RPS6KC1: variants seen among roughly 807,000 people sequenced by gnomAD.
RPS6KC1 encodes the protein ribosomal protein S6 kinase C1, also known as inactive ribosomal protein S6 kinase delta-1.
In RPS6KC1, 54 loss-of-function variants were observed where a neutral mutation model predicts 103.8. That is an observed-to-expected ratio of 0.52 (90% CI 0.42 to 0.65). RPS6KC1 has a LOEUF of 0.65. Among genes scored for constraint, RPS6KC1 ranks in the 30% least tolerant of loss-of-function variants. The pLI is 0.00. For synonymous variants in RPS6KC1, 439 were observed against 438.7 expected (o/e 1.00, Z -0.01); for missense variants, 1,151 against 1,253.8 (o/e 0.92, Z 1.24).
the RPS6KC1 span, among the ~76,000 whole-genome samples, chr1:213,528,594 CA>C: frequency 6.6e-6 from 1 of 152,076 alleles, no homozygotes; most frequent in Non-Finnish European, 1.5e-5. Flanking sequence ...CCCCAAATTG[CA>C]AAAATGGGTC....
intron 10 of RPS6KC1, among the ~76,000 whole-genome samples, chr1:213,239,136 C>A (rs1204434629): frequency 6.6e-6 from 1 of 151,990 alleles, no homozygotes; most frequent in African/African-American, 2.4e-5. Flanking sequence ...AGTTAAATGC[C>A]ATAATATCCT....
intron 8 of RPS6KC1, among the ~76,000 whole-genome samples, chr1:213,225,045 T>C (rs2093927097): frequency 1.3e-5 from 2 of 152,176 alleles, no homozygotes; most frequent in Non-Finnish European, 2.9e-5. Context: ...ATAAATAACT[T>C]TAAGAACTGA....
intron 6 of RPS6KC1, among the ~76,000 whole-genome samples, chr1:213,163,800 CAT>C (rs2090711742): frequency 6.6e-6 from 1 of 152,088 alleles, no homozygotes; most frequent in Non-Finnish European, 1.5e-5. Flanking sequence ...CATGGTATGA[CAT>C]ATAACTCTTT....
At chr1:213,540,942 A>G in the RPS6KC1 span, among the ~76,000 whole-genome samples, 1 of 152,022 alleles carries the variant, frequency 6.6e-6, no homozygotes, top group Non-Finnish European at 1.5e-5. Flanking sequence ...GCAACTCCTC[A>G]TCCATTTAAG....
At chr1:213,387,192 A>T in the RPS6KC1 span, among the ~76,000 whole-genome samples, 1 of 152,264 alleles carries the variant, frequency 6.6e-6, no homozygotes, top group Non-Finnish European at 1.5e-5. Context: ...CTGAGACTTT[A>T]TCTGTAGCAG....
intron 6 of RPS6KC1, among the ~76,000 whole-genome samples, chr1:213,135,697 A>G (rs2086193465): frequency 6.6e-6 from 1 of 152,222 alleles, no homozygotes; most frequent in Admixed American, 6.5e-5. Flanking sequence ...TGATTTAAAT[A>G]TGCCACTTAG....
the RPS6KC1 span, among the ~76,000 whole-genome samples, chr1:213,699,738 T>A: frequency 5.9e-5 from 9 of 152,174 alleles, no homozygotes; most frequent in Non-Finnish European, 1.2e-4. Context: ...TTATAAGCCA[T>A]TTTAACTGGG....
At chr1:213,297,756 A>G in the RPS6KC1 span, among the ~76,000 whole-genome samples, 1 of 152,164 alleles carries the variant, frequency 6.6e-6, no homozygotes, top group Non-Finnish European at 1.5e-5. Context: ...GACTACAGGC[A>G]TGTACCACCA....
chr1:213,318,322 G>A, the RPS6KC1 span, among the ~76,000 whole-genome samples: 1 of 152,234 alleles, frequency 6.6e-6, no homozygotes, highest in African/African-American at 2.4e-5. Flanking sequence ...CAAGTAGATG[G>A]GAGTTCATGG....
the RPS6KC1 span, among the ~76,000 whole-genome samples, chr1:213,514,979 GTGA>G: frequency 4.6e-5 from 7 of 152,222 alleles, no homozygotes; most frequent in African/African-American, 1.7e-4. Context: ...CTGATGGCCA[GTGA>G]TGATGAGCAT....
At chr1:213,461,633 A>G in the RPS6KC1 span, among the ~76,000 whole-genome samples, 1 of 152,194 alleles carries the variant, frequency 6.6e-6, no homozygotes, top group Non-Finnish European at 1.5e-5. Context: ...CCACACATCT[A>G]CAACCGTCTG....
chr1:213,672,386 C>G, the RPS6KC1 span, among the ~76,000 whole-genome samples: 4 of 152,152 alleles, frequency 2.6e-5, no homozygotes, highest in Admixed American at 2.6e-4. Context: ...CCAGCCTTCA[C>G]TGCTCTACTG....
intron 1 of RPS6KC1, among the ~76,000 whole-genome samples, chr1:213,052,614 C>T (rs2077042827): frequency 6.6e-6 from 1 of 151,938 alleles, no homozygotes; most frequent in South Asian, 2.1e-4. Context: ...GATCTCTGCT[C>T]ACCGCAACCT....
chr1:213,548,225 G>T, the RPS6KC1 span, among the ~76,000 whole-genome samples: 1 of 152,150 alleles, frequency 6.6e-6, no homozygotes, highest in Admixed American at 6.5e-5. Flanking sequence ...GTTGGGCAAA[G>T]AAATTTTAGA....
At chr1:213,356,967 C>T in the RPS6KC1 span, among the ~76,000 whole-genome samples, 8 of 152,132 alleles carry the variant, frequency 5.3e-5, no homozygotes, top group East Asian at 1.2e-3. Context: ...TTTCTGTGCC[C>T]GTGACTCTGA....
chr1:213,096,476 G>A (rs997696395), intron 3 of RPS6KC1, among the ~76,000 whole-genome samples: 4 of 152,102 alleles, frequency 2.6e-5, no homozygotes, highest in Non-Finnish European at 2.9e-5. Context: ...ATCACTTGAG[G>A]TCAGGAGTTC....
At chr1:213,301,605 G>T in the RPS6KC1 span, among the ~76,000 whole-genome samples, 1 of 152,140 alleles carries the variant, frequency 6.6e-6, no homozygotes, top group African/African-American at 2.4e-5. Context: ...AGGCTGAGGT[G>T]AGAGGATTGC....
At chr1:213,468,921 C>G in the RPS6KC1 span, among the ~76,000 whole-genome samples, 1 of 152,150 alleles carries the variant, frequency 6.6e-6, no homozygotes, top group Non-Finnish European at 1.5e-5. Context: ...CTCCTGCTGC[C>G]TGGAGTTGCC....
chr1:213,233,417 C>T (rs2094149154), intron 10 of RPS6KC1, among the ~76,000 whole-genome samples: 1 of 152,120 alleles, frequency 6.6e-6, no homozygotes, highest in South Asian at 2.1e-4. Flanking sequence ...AATACAGCCA[C>T]CTCTGGTGTG....
Sources: allele counts gnomAD v4.1 joint callset (sites outside exome capture counted in the v4.1 genomes callset), GRCh38; gene constraint gnomAD v4.1.1; transcripts MANE v1.5; gene names NCBI Gene and HGNC (gene_info 2026-07-23, HGNC 2026-07-21).